The following RNGTT variants were observed in gnomAD, a reference collection of about 807,000 sequenced individuals.
RNGTT encodes mRNA-capping enzyme.
In RNGTT, 33 loss-of-function variants were observed where a neutral mutation model predicts 79.3. That is an observed-to-expected ratio of 0.42 (90% confidence interval 0.32 to 0.56). RNGTT has a LOEUF of 0.56. Ranked by LOEUF, RNGTT falls within the 20% of genes least tolerant of loss-of-function variation. RNGTT has a pLI of 0.17. For synonymous variants in RNGTT, 222 were observed against 235.9 expected (o/e 0.94, Z 0.54); for missense variants, 497 against 739.1 (o/e 0.67, Z 3.80).
intron 14 of RNGTT, among the ~76,000 whole-genome samples, chr6:88,639,574 T>C (rs1773230685): frequency 1.3e-5 from 2 of 152,232 alleles, no homozygotes; most frequent in South Asian, 2.1e-4. Flanking sequence ...AATTGGCTCA[T>C]ACTTCCCTTA....
intron 1 of RNGTT, among the ~76,000 whole-genome samples, chr6:88,954,842 A>G (rs1785373943): frequency 2.0e-5 from 3 of 151,882 alleles, no homozygotes; most frequent in African/African-American, 7.3e-5. Context: ...CAGGAGTTCA[A>G]GACCAGCCTG....
chr6:88,887,232 A>G (rs1274335635), intron 8 of RNGTT, among the ~76,000 whole-genome samples: 1 of 152,172 alleles, frequency 6.6e-6, no homozygotes, highest in Non-Finnish European at 1.5e-5. Flanking sequence ...ATAAATTGCC[A>G]TTAAATTATG....
chr6:88,612,584 C>CT lies in RNGTT; in HGVS notation c.*134dup, dbSNP rs561874808. The stretch of plus-strand genomic sequence containing the variant: ...TTTACAGGCTGGCTACGATAACTTT[C>CT]TTTTTTTAAAAAAAATTCAAATGTG... On this transcript the variant is annotated 3_prime_UTR_variant, in exon 16 of 16. Coordinates refer to ENST00000369485, the MANE Select transcript of RNGTT (RefSeq NM_003800.5). 5 of 998,710 alleles carry CT rather than the reference C, an allele frequency of 5.0e-6. No homozygotes were observed. Among genetic ancestry groups the CT allele is most frequent in the East Asian group, 2.4e-5 (1 of 41,378 alleles). 61.9% of individuals were successfully genotyped at this position (998,710 alleles called of 1,614,324 possible). A position where few individuals can be genotyped will look rare whatever the true frequency, so the allele number is the denominator to read the frequency against.
At chr6:88,722,127 AC>A (rs1776729848) in intron 13 of RNGTT, among the ~76,000 whole-genome samples, 1 of 151,206 alleles carries the variant, frequency 6.6e-6, no homozygotes, top group Non-Finnish European at 1.5e-5. Flanking sequence ...CAAGGAAAAA[AC>A]AATTCTAAGA....
chr6:88,757,659 C>T (rs1264995748), intron 13 of RNGTT, among the ~76,000 whole-genome samples: 1 of 152,046 alleles, frequency 6.6e-6, no homozygotes, highest in Non-Finnish European at 1.5e-5. Context: ...ACAAGATTAA[C>T]AAAATGTTTT....
chr6:88,870,099 G>A (rs867804044), intron 8 of RNGTT, among the ~76,000 whole-genome samples: 2 of 152,102 alleles, frequency 1.3e-5, no homozygotes, highest in South Asian at 4.1e-4. Flanking sequence ...ATTAAATCTG[G>A]GCTGAAAGCC....
intron 14 of RNGTT, among the ~76,000 whole-genome samples, chr6:88,632,544 G>GAGACAC (rs1772936342): frequency 7.5e-6 from 1 of 132,968 alleles, no homozygotes; most frequent in Non-Finnish European, 1.6e-5. Context: ...CAGACACACA[G>GAGACAC]ACACACACAC....
At chr6:88,941,028 A>G in intron 2 of RNGTT, 43 bp downstream of exon 2, 1 of 1,189,320 alleles carries the variant, frequency 8.4e-7, no homozygotes, top group East Asian at 2.3e-5. Context: ...AAGACTGAAC[A>G]AAGTATATTA....
chr6:88,806,010 T>C (rs889599642), intron 11 of RNGTT, among the ~76,000 whole-genome samples: 5 of 151,868 alleles, frequency 3.3e-5, no homozygotes, highest in Non-Finnish European at 5.9e-5. Flanking sequence ...CCACTACCCC[T>C]CCCCACCCAC....
chr6:88,797,808 G>C (rs763149205), intron 12 of RNGTT, among the ~76,000 whole-genome samples: 3 of 151,836 alleles, frequency 2.0e-5, no homozygotes, highest in African/African-American at 2.4e-5. Context: ...GAAGGAGAAA[G>C]GGGTGTGGAG....
chr6:88,619,473 G>A (rs1772363178), intron 14 of RNGTT, among the ~76,000 whole-genome samples: 1 of 152,082 alleles, frequency 6.6e-6, no homozygotes, highest in South Asian at 2.1e-4. Context: ...CAGCCCATTG[G>A]GGATTTTTTT....
intron 12 of RNGTT, among the ~76,000 whole-genome samples, chr6:88,796,813 C>G (rs1206885720): frequency 1.3e-5 from 2 of 152,136 alleles, no homozygotes; most frequent in African/African-American, 4.8e-5. Flanking sequence ...CAACTACTCT[C>G]TCCTTTTTAG....
intron 13 of RNGTT, among the ~76,000 whole-genome samples, chr6:88,725,137 G>A (rs1270518023): frequency 2.0e-5 from 3 of 152,188 alleles, no homozygotes; most frequent in Non-Finnish European, 2.9e-5. Flanking sequence ...GGGGCTGGCC[G>A]GGGATTACAT....
intron 13 of RNGTT, among the ~76,000 whole-genome samples, chr6:88,741,601 T>A (rs1040498873): frequency 1.3e-5 from 2 of 152,160 alleles, no homozygotes; most frequent in African/African-American, 4.8e-5. Flanking sequence ...TAAAATTATT[T>A]TCAAAAATTT....
intron 11 of RNGTT, among the ~76,000 whole-genome samples, chr6:88,834,383 G>GCCAT (rs1780990565): frequency 6.6e-6 from 1 of 152,048 alleles, no homozygotes. Context: ...GATCCATCAG[G>GCCAT]CCATATTCAA....
chr6:88,937,623 C>T (rs1336886561), intron 2 of RNGTT, among the ~76,000 whole-genome samples: 2 of 151,422 alleles, frequency 1.3e-5, no homozygotes, highest in African/African-American at 2.4e-5. Context: ...CTTTCTAGTT[C>T]CTTGTGGTGC....
At chr6:88,840,204 A>T (rs1366854072) in intron 11 of RNGTT, among the ~76,000 whole-genome samples, 2 of 152,138 alleles carry the variant, frequency 1.3e-5, no homozygotes, top group Admixed American at 1.3e-4. Flanking sequence ...TAACCTGTCA[A>T]TTGTAGTTAT....
chr6:88,759,799 C>T (rs888929895), intron 13 of RNGTT, among the ~76,000 whole-genome samples: 9 of 152,116 alleles, frequency 5.9e-5, no homozygotes, highest in African/African-American at 2.2e-4. Context: ...TGCAGTTCTT[C>T]CCATCTCATC....
At chr6:88,830,463 A>T (rs951752499) in intron 11 of RNGTT, among the ~76,000 whole-genome samples, 4 of 152,228 alleles carry the variant, frequency 2.6e-5, no homozygotes, top group African/African-American at 9.6e-5. Flanking sequence ...AAATGCACAC[A>T]GGAGAAAGCG....
Sources: allele counts gnomAD v4.1 joint callset (sites outside exome capture counted in the v4.1 genomes callset), GRCh38; gene constraint gnomAD v4.1.1; transcripts MANE v1.5; gene names NCBI Gene and HGNC (gene_info 2026-07-23, HGNC 2026-07-21).